Variants in TAFA1 observed in about 807,000 individuals in gnomAD.
TAFA1 encodes the protein chemokine-like protein TAFA-1.
Under a neutral mutation model 18.5 loss-of-function variants are expected in TAFA1, and 4 were observed. That is an observed-to-expected ratio of 0.22 (90% CI 0.11 to 0.49). TAFA1 has a LOEUF of 0.49. TAFA1 is among the 20% of genes least tolerant of loss of function. TAFA1 has a pLI of 0.98. For synonymous variants in TAFA1, 56 were observed against 55.2 expected, an observed-to-expected ratio of 1.01 and a Z score of -0.06; for missense variants, 147 against 169.0, an observed-to-expected ratio of 0.87 and a Z score of 0.72.
chr3:68,305,363 C>T (rs1456097748), intron 2 of TAFA1, among the ~76,000 whole-genome samples: 1 of 121,070 alleles, frequency 8.3e-6, no homozygotes, highest in African/African-American at 3.2e-5. Context: ...TAATATATGA[C>T]TATATATAAA....
intron 2 of TAFA1, among the ~76,000 whole-genome samples, chr3:68,197,848 A>G (rs1440397959): frequency 6.6e-6 from 1 of 151,706 alleles, no homozygotes; most frequent in African/African-American, 2.4e-5. Context: ...TCTGCGTTTA[A>G]TTGTTCCTGT....
chr3:68,338,537 C>G (rs2069017030), intron 2 of TAFA1, among the ~76,000 whole-genome samples: 1 of 152,072 alleles, frequency 6.6e-6, no homozygotes, highest in African/African-American at 2.4e-5. Context: ...TATAATGAAG[C>G]ATTTTGTGTT....
rs370710002 is a variant in TAFA1 at position 68,463,017 on chromosome 3, G to A, written c.259+45597G>A. 9.9e-5 allele frequency among the ~76,000 whole-genome samples: 15 copies of A among 152,210 alleles called. No individual in the cohort carries two copies. In the East Asian group the frequency reaches 2.3e-3, roughly 24 times the overall value. ...GTGGCCTCTTTAAAAATGTAGATTG[G>A]GCAACTCATATAGGCAAATGTTGTC... On this transcript the variant is annotated intron_variant, in intron 3 of 4. Coordinates refer to ENST00000478136, the MANE Select transcript of TAFA1 (RefSeq NM_213609.4).
intron 3 of TAFA1, among the ~76,000 whole-genome samples, chr3:68,499,748 C>A (rs1185903814): frequency 6.6e-6 from 1 of 151,586 alleles, no homozygotes; most frequent in South Asian, 2.1e-4. Context: ...TTTCTAATAT[C>A]TCACAGGTAG....
At chr3:68,432,552 A>G (rs959245737) in intron 3 of TAFA1, among the ~76,000 whole-genome samples, 1 of 152,036 alleles carries the variant, frequency 6.6e-6, no homozygotes, top group Non-Finnish European at 1.5e-5. Context: ...ACCTCCAACC[A>G]TAAAACAAGA....
intron 2 of TAFA1, among the ~76,000 whole-genome samples, chr3:68,259,482 T>C (rs1035807182): frequency 1.5e-3 from 221 of 152,296 alleles, no homozygotes; most frequent in Non-Finnish European, 2.3e-3. Context: ...AGAAAGTCAT[T>C]GGTAGCTTGA....
chr3:68,169,081 T>C (rs2066019609), intron 2 of TAFA1, among the ~76,000 whole-genome samples: 3 of 152,054 alleles, frequency 2.0e-5, no homozygotes, highest in African/African-American at 7.3e-5. Context: ...GCCTCCAGGA[T>C]GTTCCCAAAC....
chr3:68,345,853 T>C (rs894467431), intron 2 of TAFA1, among the ~76,000 whole-genome samples: 1 of 152,160 alleles, frequency 6.6e-6, no homozygotes, highest in African/African-American at 2.4e-5. Flanking sequence ...AAAGATATAC[T>C]GAGGATACTT....
chr3:68,298,132 C>T (rs2068242920), intron 2 of TAFA1, among the ~76,000 whole-genome samples: 1 of 152,156 alleles, frequency 6.6e-6, no homozygotes, highest in Non-Finnish European at 1.5e-5. Context: ...CTTTCATCTT[C>T]CCCAGTGAGC....
At chr3:68,339,930 G>A (rs2069050993) in intron 2 of TAFA1, among the ~76,000 whole-genome samples, 1 of 152,170 alleles carries the variant, frequency 6.6e-6, no homozygotes, top group Admixed American at 6.5e-5. Flanking sequence ...ACAAAATGCA[G>A]CTATGAGACA....
intron 4 of TAFA1, among the ~76,000 whole-genome samples, chr3:68,541,163 A>G (rs779326521): frequency 6.6e-6 from 1 of 152,230 alleles, no homozygotes; most frequent in Non-Finnish European, 1.5e-5. Flanking sequence ...GAGAATTCTC[A>G]AGTCTGTCCT....
chr3:68,519,229 A>G (rs902872936), intron 3 of TAFA1, among the ~76,000 whole-genome samples: 3 of 152,192 alleles, frequency 2.0e-5, no homozygotes, highest in African/African-American at 7.2e-5. Context: ...GTGTCCCTAT[A>G]AAAGAGACTC....
At chr3:68,454,919 C>T (rs2071631006) in intron 3 of TAFA1, among the ~76,000 whole-genome samples, 1 of 151,696 alleles carries the variant, frequency 6.6e-6, no homozygotes, top group Non-Finnish European at 1.5e-5. Context: ...GTTAGGAGCA[C>T]CAATCCCCTA....
At chr3:68,066,151 T>C (rs1159897967) in intron 2 of TAFA1, among the ~76,000 whole-genome samples, 1 of 152,144 alleles carries the variant, frequency 6.6e-6, no homozygotes, top group Non-Finnish European at 1.5e-5. Context: ...AATGCATATA[T>C]CAAAATTTAT....
intron 2 of TAFA1, among the ~76,000 whole-genome samples, chr3:68,310,236 C>T (rs566080152): frequency 7.9e-5 from 12 of 150,994 alleles, no homozygotes; most frequent in Middle Eastern, 6.8e-3. Context: ...ATAGACTTCA[C>T]CACTTTTTCT....
intron 2 of TAFA1, among the ~76,000 whole-genome samples, chr3:68,240,623 T>C (rs2066984606): frequency 1.3e-5 from 2 of 152,170 alleles, no homozygotes; most frequent in South Asian, 2.1e-4. Context: ...TTCTGTGACA[T>C]AGACCTAGTA....
At chr3:68,144,677 A>G (rs1367890743) in intron 2 of TAFA1, among the ~76,000 whole-genome samples, 2 of 152,148 alleles carry the variant, frequency 1.3e-5, no homozygotes, top group African/African-American at 2.4e-5. Context: ...TTTTATATCA[A>G]TCTCTCTTCA....
chr3:68,003,376 C>T (rs1172303130), upstream of TAFA1, among the ~76,000 whole-genome samples: 1 of 152,164 alleles, frequency 6.6e-6, no homozygotes, highest in Non-Finnish European at 1.5e-5. Flanking sequence ...ATGAGAACTA[C>T]CTTGATTTTG....
intron 2 of TAFA1, among the ~76,000 whole-genome samples, chr3:68,365,357 C>G (rs113287350): frequency 1.3e-5 from 2 of 152,272 alleles, no homozygotes; most frequent in African/African-American, 4.8e-5. Flanking sequence ...TATTGGTACC[C>G]AGAGAAGTTG....
Sources: gnomAD v4.1 joint callset for allele counts (sites outside exome capture counted in the v4.1 genomes callset) on GRCh38, gnomAD v4.1.1 for gene constraint, MANE v1.5 for transcripts, NCBI Gene and HGNC (gene_info 2026-07-23, HGNC 2026-07-21) for gene names.